CDC73: variants seen among roughly 807,000 people sequenced by gnomAD.
CDC73 encodes the protein cell division cycle 73.
A neutral mutation model predicts 83.7 loss-of-function variants in CDC73; 21 were observed. That is an observed-to-expected ratio of 0.25 (90% CI 0.18 to 0.36). The LOEUF (loss-of-function observed/expected upper bound fraction) is 0.36, where lower values mean the gene tolerates loss of function less well. CDC73 is among the 10% of genes least tolerant of loss of function. CDC73 has a pLI of 1.00. For synonymous variants in CDC73, 224 were observed against 212.9 expected, an observed-to-expected ratio of 1.05 and a Z score of -0.45; for missense variants, 342 against 653.3, an observed-to-expected ratio of 0.52 and a Z score of 5.19.
chr1:193,226,631 G>A (rs1677571727), intron 13 of CDC73, among the ~76,000 whole-genome samples: 2 of 152,122 alleles, frequency 1.3e-5, no homozygotes, highest in African/African-American at 4.8e-5. Flanking sequence ...TTATTGACTT[G>A]TGTATGTTAA....
At chr1:193,249,230 A>T (rs1168240302) in intron 15 of CDC73, among the ~76,000 whole-genome samples, 3 of 152,068 alleles carry the variant, frequency 2.0e-5, no homozygotes, top group Non-Finnish European at 2.9e-5. Context: ...GACTTGCTAA[A>T]GGCTCAGATG....
chr1:193,177,358 C>CAAAAAAAAAAA (rs10672869), intron 10 of CDC73, among the ~76,000 whole-genome samples: 28 of 69,500 alleles, frequency 4.0e-4, no homozygotes, highest in African/African-American at 1.3e-3. Context: ...ACTAAAAATA[C>CAAAAAAAAAAA]AAAAAAAAAA....
At chr1:193,182,632 A>G (rs1314851929) in intron 10 of CDC73, among the ~76,000 whole-genome samples, 4 of 152,162 alleles carry the variant, frequency 2.6e-5, no homozygotes, top group African/African-American at 9.7e-5. Context: ...TTAGAGCCCT[A>G]TATTTTAAAA....
In CDC73 at chr1:193,203,807, G is replaced by T. The variant is rs1436120903; in HGVS notation, c.985G>T (p.Ala329Ser). The T allele has an allele frequency of 6.2e-7, 1 of 1,613,062 alleles. No individual in the cohort carries two copies. Among genetic ancestry groups the T allele is most frequent in the African/African-American group, 1.3e-5 (1 of 75,002 alleles). The change falls in exon 11 of 17, where the codon GCC (alanine) becomes TCC (serine). Residue 329 changes from alanine to serine, a missense_variant. Coordinates refer to ENST00000367435, the MANE Select transcript of CDC73 (RefSeq NM_024529.5). ...TLKSVTEGAS[A>S]RKTQTPAAQP... is the part of the protein sequence containing the mutation. The stretch of plus-strand genomic sequence containing the variant: ...TATTCTTTTAAAGGAGGGTGCATCT[G>T]CCCGGAAGACTCAGACTCCTGCAGC...
rs41305060 is a variant in CDC73 at position 193,212,151 on chromosome 1, C to T, written c.1066+51C>T. 3,978 of 1,380,758 alleles carry T rather than the reference C, an allele frequency of 2.9e-3. 11 individuals carry two copies. The highest frequency in any genetic ancestry group is 3.5e-3 in the Non-Finnish European group (3,463 of 989,264). 85.5% of individuals were successfully genotyped at this position (1,380,758 alleles called of 1,614,324 possible). A position where few individuals can be genotyped will look rare whatever the true frequency, so the allele number is the denominator to read the frequency against. ...CTTAACTTTAAAAAGTAAATGATTG[C>T]AAAACCAGGCCTGATAATTTTCTTG... On this transcript the variant is annotated intron_variant, in intron 12 of 16. Coordinates refer to ENST00000367435, the MANE Select transcript of CDC73 (RefSeq NM_024529.5).
At chr1:193,163,106 A>G (rs555712769) in intron 10 of CDC73, among the ~76,000 whole-genome samples, 2 of 152,144 alleles carry the variant, frequency 1.3e-5, no homozygotes, top group South Asian at 4.2e-4. Context: ...TTATTCTGAT[A>G]GTAAATTTGT....
chr1:193,212,464 C>A lies in CDC73; in HGVS notation c.1141C>A (p.Leu381Ile). 6.3e-7 allele frequency: 1 copy of A among 1,585,718 alleles called. No individual in the cohort carries two copies. Among genetic ancestry groups the A allele is most frequent in the Non-Finnish European group, 8.7e-7 (1 of 1,155,292 alleles). Residue 381 changes from leucine (L) to isoleucine (I), a missense_variant, in exon 13 of 17, where the codon CTA becomes ATA. Leu to Ile is a conservative substitution (Grantham distance 5, BLOSUM62 2). Coordinates refer to ENST00000367435, the MANE Select transcript of CDC73 (RefSeq NM_024529.5). ...LITMLNAKDLLQDLKFVPSDE... is the reference protein window; with the variant it reads ...LITMLNAKDLIQDLKFVPSDE... ...AACCATGCTTAATGCAAAAGACCTTCTACAGGACCTGAAGTAAGTAATTTA... is the reference window on the plus strand; with the variant it reads ...AACCATGCTTAATGCAAAAGACCTTATACAGGACCTGAAGTAAGTAATTTA...
At chr1:193,185,725 A>AT (rs201494057) in intron 10 of CDC73, among the ~76,000 whole-genome samples, 10 of 151,580 alleles carry the variant, frequency 6.6e-5, no homozygotes, top group East Asian at 1.9e-4. Flanking sequence ...AGGGCTACAG[A>AT]TTTTTTTTTA....
intron 10 of CDC73, among the ~76,000 whole-genome samples, chr1:193,169,034 C>T (rs906791123): frequency 6.6e-6 from 1 of 151,962 alleles, no homozygotes; most frequent in African/African-American, 2.4e-5. Context: ...AAGTAGCAGC[C>T]TGGATTTGGC....
intron 14 of CDC73, among the ~76,000 whole-genome samples, chr1:193,233,635 G>A (rs1447427076): frequency 2.6e-5 from 4 of 152,080 alleles, no homozygotes; most frequent in African/African-American, 9.7e-5. Context: ...TTGTTCATTT[G>A]TTCCGGATCA....
At chr1:193,150,502 A>G (rs1485782269) in intron 9 of CDC73, 120 bp downstream of exon 9, 5 of 708,522 alleles carry the variant, frequency 7.1e-6, no homozygotes, top group Non-Finnish European at 1.0e-5. Context: ...GATCTTACCC[A>G]CTGCAATTTT....
chr1:193,193,819 GT>G (rs1676958791), intron 10 of CDC73, among the ~76,000 whole-genome samples: 1 of 151,166 alleles, frequency 6.6e-6, no homozygotes. Context: ...GTGTGTGTGT[GT>G]GTGTGTGTGT....
chr1:193,244,641 C>T (rs751785726), intron 15 of CDC73, among the ~76,000 whole-genome samples: 1 of 152,192 alleles, frequency 6.6e-6, no homozygotes, highest in Non-Finnish European at 1.5e-5. Flanking sequence ...ACATTCCATG[C>T]TTGCTTCCAT....
intron 10 of CDC73, among the ~76,000 whole-genome samples, chr1:193,196,628 C>T (rs959574758): frequency 6.6e-6 from 1 of 152,056 alleles, no homozygotes; most frequent in African/African-American, 2.4e-5. Context: ...ATTCTTTTAG[C>T]AATATTTTAT....
At chr1:193,152,697 C>T (rs1676135568) in intron 10 of CDC73, among the ~76,000 whole-genome samples, 1 of 152,090 alleles carries the variant, frequency 6.6e-6, no homozygotes. Context: ...GGCAATGCCA[C>T]CTGGTCAGTA....
At chr1:193,188,749 C>T (rs1000587500) in intron 10 of CDC73, among the ~76,000 whole-genome samples, 4 of 151,860 alleles carry the variant, frequency 2.6e-5, no homozygotes, top group East Asian at 3.9e-4. Flanking sequence ...ATATGGGTAA[C>T]GTATTCATTA....
chr1:193,174,307 G>A (rs1330694457), intron 10 of CDC73, among the ~76,000 whole-genome samples: 1 of 150,978 alleles, frequency 6.6e-6, no homozygotes, highest in Admixed American at 6.6e-5. Flanking sequence ...AACTTTTTCA[G>A]GACCCTTTTT....
At chr1:193,177,323 G>T (rs1055489047) in intron 10 of CDC73, among the ~76,000 whole-genome samples, 2 of 121,876 alleles carry the variant, frequency 1.6e-5, no homozygotes, top group African/African-American at 6.5e-5. Context: ...GACCGTCCTG[G>T]CTAACACGGT....
At chr1:193,235,599 A>G (rs74895088) in intron 14 of CDC73, among the ~76,000 whole-genome samples, 3,147 of 152,296 alleles carry the variant, frequency 0.021, 109 homozygotes, top group African/African-American at 0.071. Context: ...TTGAGGGCCT[A>G]CAAAGAAGTT....
Sources: gnomAD v4.1 joint callset for allele counts (sites outside exome capture counted in the v4.1 genomes callset) on GRCh38, gnomAD v4.1.1 for gene constraint, MANE v1.5 for transcripts, NCBI Gene and HGNC (gene_info 2026-07-23, HGNC 2026-07-21) for gene names.